Variants in IGFL2 observed in about 807,000 individuals in gnomAD.
IGFL2 encodes insulin growth factor-like family member 2.
In IGFL2, 7 loss-of-function variants were observed where a neutral mutation model predicts 13.9. The observed-to-expected ratio is 0.51, with a 90% CI of 0.29 to 0.95. The LOEUF is 0.95. Among genes scored for constraint, IGFL2 ranks in the 40% least tolerant of loss-of-function variants. The probability of loss-of-function intolerance (pLI) is 0.08; values close to 1 mark genes in which losing one functional copy is unlikely to be tolerated. For synonymous variants in IGFL2, 55 were observed against 55.8 expected, an observed-to-expected ratio of 0.99 and a Z score of 0.07; for missense variants, 138 against 147.8, an observed-to-expected ratio of 0.93 and a Z score of 0.34.
the IGFL2 span, among the ~76,000 whole-genome samples, chr19:46,171,127 C>T: frequency 1.8e-4 from 27 of 152,216 alleles, no homozygotes; most frequent in Admixed American, 7.2e-4. Flanking sequence ...TGGAACCTGC[C>T]GACCTGTGAT....
chr19:46,181,725 A>T, the IGFL2 span, among the ~76,000 whole-genome samples: 40 of 152,280 alleles, frequency 2.6e-4, no homozygotes, highest in African/African-American at 9.6e-4. Flanking sequence ...TGGCCCCCAA[A>T]TTCTTGGAGA....
chr19:46,108,919 A>G, the IGFL2 span, among the ~76,000 whole-genome samples: 101 of 152,322 alleles, frequency 6.6e-4, no homozygotes, highest in Middle Eastern at 6.8e-3. Flanking sequence ...AGGTTGGAGA[A>G]GAGAGTGAAA....
At chr19:46,192,141 A>G in the IGFL2 span, among the ~76,000 whole-genome samples, 1 of 152,116 alleles carries the variant, frequency 6.6e-6, no homozygotes, top group African/African-American at 2.4e-5. Flanking sequence ...CAGGGACACA[A>G]CAGTGGGCAG....
the IGFL2 span, among the ~76,000 whole-genome samples, chr19:46,110,683 GTGTT>G: frequency 2.0e-5 from 3 of 152,088 alleles, no homozygotes; most frequent in African/African-American, 4.8e-5. Flanking sequence ...TTTACTGTAG[GTGTT>G]TGTTTTAAGC....
At chr19:46,144,491 C>CAT (rs1189510819), upstream of IGFL2, among the ~76,000 whole-genome samples, 3 of 152,138 alleles carry the variant, frequency 2.0e-5, no homozygotes, top group South Asian at 4.1e-4. Context: ...CATATCATAT[C>CAT]ATATCAAATA....
the IGFL2 span, among the ~76,000 whole-genome samples, chr19:46,122,635 A>G: frequency 6.6e-6 from 1 of 151,140 alleles, no homozygotes; most frequent in South Asian, 2.1e-4. Context: ...TATTCTGAAT[A>G]TAACTTTTAA....
chr19:46,206,560 C>T, the IGFL2 span, among the ~76,000 whole-genome samples: 1 of 152,094 alleles, frequency 6.6e-6, no homozygotes, highest in Non-Finnish European at 1.5e-5. Flanking sequence ...GAGCTTATAC[C>T]CAGAGGATTT....
At position 46,149,134 on chromosome 19, in the gene IGFL2, A is replaced by C. The variant is rs901618763; in HGVS notation, c.19+837A>C. The stretch of plus-strand genomic sequence containing the variant: ...TGTGTTCACTAACTTCTTTTTGGGC[A>C]ACCATCTCTCTCTCTCCCTCTCTCT... On this transcript the variant is annotated intron_variant, in intron 1 of 3. Coordinates refer to ENST00000377693, the MANE Select transcript of IGFL2 (RefSeq NM_001135113.2). The C allele has an allele frequency of 4.7e-6, 4 of 851,310 alleles. No homozygotes were observed. In the African/African-American group the frequency reaches 7.1e-5, roughly 15 times the overall value. 52.7% of individuals were successfully genotyped at this position (851,310 alleles called of 1,614,324 possible).
chr19:46,205,130 G>GT, the IGFL2 span, among the ~76,000 whole-genome samples: 1 of 152,294 alleles, frequency 6.6e-6, no homozygotes, highest in East Asian at 1.9e-4. Flanking sequence ...TAATATAGGA[G>GT]TTAAGAAGAA....
upstream of IGFL2, among the ~76,000 whole-genome samples, chr19:46,144,438 T>C (rs1190311832): frequency 6.6e-6 from 1 of 152,178 alleles, no homozygotes; most frequent in Non-Finnish European, 1.5e-5. Context: ...GCATACATCA[T>C]TGGTTGATAT....
At chr19:46,111,894 T>C in the IGFL2 span, 6 of 152,338 alleles carry the variant, frequency 3.9e-5, no homozygotes, top group South Asian at 1.2e-3. Flanking sequence ...AGTATATCCA[T>C]GTAACAACCT....
chr19:46,206,041 T>C, the IGFL2 span, among the ~76,000 whole-genome samples: 1 of 152,074 alleles, frequency 6.6e-6, no homozygotes, highest in Non-Finnish European at 1.5e-5. Context: ...TACTAGAAAA[T>C]AGCTTATCTG....
At chr19:46,137,021 G>A in the IGFL2 span, 1 of 1,581,614 alleles carries the variant, frequency 6.3e-7, no homozygotes, top group African/African-American at 1.3e-5. Flanking sequence ...ATCTTTCAAT[G>A]CAGTCACAGT....
downstream of IGFL2, among the ~76,000 whole-genome samples, chr19:46,162,067 T>G (rs1435090247): frequency 6.6e-6 from 1 of 152,224 alleles, no homozygotes; most frequent in African/African-American, 2.4e-5. Context: ...GAAGCATAGT[T>G]TGGCTGGATA....
chr19:46,137,043 T>A, the IGFL2 span: 1 of 1,589,738 alleles, frequency 6.3e-7, no homozygotes, highest in Non-Finnish European at 8.6e-7. Flanking sequence ...GCATGGCAGA[T>A]CACTGATGGA....
upstream of IGFL2, among the ~76,000 whole-genome samples, chr19:46,143,598 A>G (rs980596557): frequency 1.3e-5 from 2 of 152,112 alleles, no homozygotes; most frequent in Non-Finnish European, 2.9e-5. Flanking sequence ...CAAAAATTAC[A>G]TGCAGATTTT....
chr19:46,080,346 C>T, the IGFL2 span, among the ~76,000 whole-genome samples: 37 of 151,900 alleles, frequency 2.4e-4, no homozygotes, highest in African/African-American at 8.9e-4. Flanking sequence ...CCATTCTCAT[C>T]AACATAGCGA....
chr19:46,083,363 G>C, the IGFL2 span, among the ~76,000 whole-genome samples: 1 of 152,260 alleles, frequency 6.6e-6, no homozygotes, highest in African/African-American at 2.4e-5. Flanking sequence ...TGTAAGAAAT[G>C]GATATGTGCT....
chr19:46,205,847 A>T, the IGFL2 span, among the ~76,000 whole-genome samples: 119 of 152,214 alleles, frequency 7.8e-4, 2 homozygotes, highest in Middle Eastern at 0.017. Context: ...GTTTTTGAGC[A>T]TGGGGCTATG....
Sources: gnomAD v4.1 joint callset for allele counts (sites outside exome capture counted in the v4.1 genomes callset) on GRCh38, gnomAD v4.1.1 for gene constraint, MANE v1.5 for transcripts, NCBI Gene and HGNC (gene_info 2026-07-23, HGNC 2026-07-21) for gene names.